FAM107A: variants seen among roughly 807,000 people sequenced by gnomAD.
The protein encoded by FAM107A is actin-associated protein FAM107A.
A neutral mutation model predicts 13.7 loss-of-function variants in FAM107A; 19 were observed. That is an observed-to-expected ratio of 1.38 (90% confidence interval 0.97 to 2.03). The LOEUF (loss-of-function observed/expected upper bound fraction) is 2.03, where lower values mean the gene tolerates loss of function less well. Among genes scored for constraint, FAM107A ranks in the 30% most tolerant of loss-of-function variants. The probability of loss-of-function intolerance (pLI) is 0.00; values close to 1 mark genes in which losing one functional copy is unlikely to be tolerated. For missense variants in FAM107A, 203 were observed against 184.4 expected (o/e 1.10, Z -0.58); for synonymous variants, 82 against 74.5 (o/e 1.10, Z -0.52).
At chr3:58,575,848 C>T (rs867075727) in intron 1 of FAM107A, among the ~76,000 whole-genome samples, 27 of 152,212 alleles carry the variant, frequency 1.8e-4, no homozygotes, top group African/African-American at 5.8e-4. Context: ...AGGCTGGTCT[C>T]TGTTTAGGAG....
At chr3:58,571,982 AGGAGATGGC>A (rs1442069511) in intron 1 of FAM107A, among the ~76,000 whole-genome samples, 1 of 152,194 alleles carries the variant, frequency 6.6e-6, no homozygotes. Context: ...ACTTTAGGAA[AGGAGATGGC>A]AGCCTTAATA....
Position 58,566,711 on chromosome 3 carries a change from G to A in FAM107A, c.328-16C>T. 6.3e-7 allele frequency: 1 copy of A among 1,591,842 alleles called. No individual in the cohort carries two copies. The highest frequency in any genetic ancestry group is 1.1e-5 in the South Asian group (1 of 90,658). On this transcript the variant is annotated splice_polypyrimidine_tract_variant and intron_variant, in intron 3 of 3. Transcript: ENST00000360997. ...GTTTTTCCAGCTGAAGGAGGGAGAA[G>A]CAGAGAGTGAAGTGGGTGGAGCTAG... is the stretch of plus-strand genomic sequence containing the variant.
intron 1 of FAM107A, among the ~76,000 whole-genome samples, chr3:58,621,254 A>C (rs2065952322): frequency 6.6e-6 from 1 of 152,130 alleles, no homozygotes; most frequent in Non-Finnish European, 1.5e-5. Context: ...GCCTGACCAG[A>C]GCCCTCAGGA....
At chr3:58,567,111 ATCCTCT>A (rs751296166) in intron 3 of FAM107A, 91 bp downstream of exon 3, 6 of 1,429,034 alleles carry the variant, frequency 4.2e-6, no homozygotes, top group Admixed American at 1.7e-5. Context: ...CTGTCTGCTG[ATCCTCT>A]TCCCTCTTAC....
intron 1 of FAM107A, among the ~76,000 whole-genome samples, chr3:58,595,707 C>CAT (rs2065701944): frequency 6.6e-6 from 1 of 152,100 alleles, no homozygotes; most frequent in African/African-American, 2.4e-5. Context: ...CGTGCACACA[C>CAT]ACACACACAC....
intron 1 of FAM107A, among the ~76,000 whole-genome samples, chr3:58,622,179 C>G (rs914170663): frequency 2.7e-4 from 41 of 152,172 alleles, no homozygotes; most frequent in African/African-American, 9.2e-4. Flanking sequence ...GGGCTCACAC[C>G]TGTAATCCCA....
At chr3:58,592,637 A>G (rs1292601189) in intron 1 of FAM107A, among the ~76,000 whole-genome samples, 1 of 152,144 alleles carries the variant, frequency 6.6e-6, no homozygotes, top group Non-Finnish European at 1.5e-5. Flanking sequence ...GTCTCTTGGT[A>G]TTCAGTGGAA....
chr3:58,622,375 G>A (rs1436757409), intron 1 of FAM107A, among the ~76,000 whole-genome samples: 1 of 152,144 alleles, frequency 6.6e-6, no homozygotes, highest in African/African-American at 2.4e-5. Flanking sequence ...TGGGAGGTGG[G>A]GGTTGTTGTG....
upstream of FAM107A, among the ~76,000 whole-genome samples, chr3:58,580,658 C>T (rs1471339483): frequency 6.6e-6 from 1 of 151,924 alleles, no homozygotes; most frequent in Non-Finnish European, 1.5e-5. Context: ...AAGTGTTCCT[C>T]CTGCTTCAGC....
upstream of FAM107A, among the ~76,000 whole-genome samples, chr3:58,580,291 G>A (rs1018665126): frequency 4.0e-5 from 6 of 150,598 alleles, no homozygotes; most frequent in Admixed American, 6.6e-5. Flanking sequence ...ACACTAATCT[G>A]TTAGCAGAGG....
upstream of FAM107A, among the ~76,000 whole-genome samples, chr3:58,590,295 G>A (rs935305978): frequency 6.6e-6 from 1 of 152,106 alleles, no homozygotes; most frequent in Non-Finnish European, 1.5e-5. Flanking sequence ...CAGGAGGCTG[G>A]GAGTCTTCCT....
rs2108031429 is a variant in FAM107A at position 58,565,079 on chromosome 3, C to A, written c.*1509G>T. 6.6e-6 allele frequency: 1 copy of A among 152,342 alleles called. No homozygotes were observed. Among genetic ancestry groups the A allele is most frequent in the South Asian group, 2.1e-4 (1 of 4,832 alleles). 9.4% of individuals were successfully genotyped at this position (152,342 alleles called of 1,614,324 possible). A position where few individuals can be genotyped will look rare whatever the true frequency, so the allele number is the denominator to read the frequency against. ...AAAGTGAAAGGAGATGCTATTCCAG[C>A]ACTGCTCTGTCACCTTAGATGATGG... On this transcript the variant is annotated 3_prime_UTR_variant, in exon 4 of 4. Coordinates refer to ENST00000360997, the MANE Select transcript of FAM107A (RefSeq NM_001076778.3).
chr3:58,585,663 G>A (rs1168818935), intron 1 of FAM107A, among the ~76,000 whole-genome samples: 1 of 152,212 alleles, frequency 6.6e-6, no homozygotes, highest in Non-Finnish European at 1.5e-5. Context: ...TAGCTGGCCC[G>A]TGAGCCCAAG....
rs57244654 is a variant in FAM107A, at chr3:58,599,696, A to ATTTTTTTTTTTTTTTTTTTTT, written c.-69-10448_-69-10428dup. ...GTGGTATACTTAAAACAAGTGCACC[A>ATTTTTTTTTTTTTTTTTTTTT]TTTTTTTTTTTTTTTTTTTTTTTTT... On this transcript the variant is annotated intron_variant, in intron 1 of 3. Transcript: ENST00000465970. 5.1e-5 allele frequency among the ~76,000 whole-genome samples: 4 copies of ATTTTTTTTTTTTTTTTTTTTT among 78,592 alleles called. 1 individual carries two copies. The highest frequency in any genetic ancestry group is 1.1e-4 in the Non-Finnish European group (4 of 37,402). 51.6% of individuals were successfully genotyped at this position (78,592 alleles called of 152,430 possible). A position where few individuals can be genotyped will look rare whatever the true frequency, so the allele number is the denominator to read the frequency against.
At chr3:58,596,549 G>C (rs2065709281) in intron 1 of FAM107A, among the ~76,000 whole-genome samples, 1 of 151,976 alleles carries the variant, frequency 6.6e-6, no homozygotes, top group South Asian at 2.1e-4. Flanking sequence ...CCTGGTGATG[G>C]GTGCCTGTAA....
rs542456568 is a variant in FAM107A at position 58,607,541 on chromosome 3, A to T, written c.-69-18272T>A. On this transcript the variant is annotated intron_variant, in intron 1 of 3. Transcript: ENST00000465970. ...GCAAAGGTGAGGGTGTGTCACTCCC[A>T]TGATCATGCTAGATGGATTTGTATA... The T allele has an allele frequency of 9.8e-5, 15 of 152,360 alleles. 1 individual carries two copies. The highest frequency in any genetic ancestry group is 3.6e-4 in the African/African-American group (15 of 41,592). The allele number at this position is 152,360 out of a possible 1,614,324, so 9.4% of individuals were successfully genotyped here. A position where few individuals can be genotyped will look rare whatever the true frequency, so the allele number is the denominator to read the frequency against.
intron 1 of FAM107A, among the ~76,000 whole-genome samples, chr3:58,619,853 A>ATGTGTG (rs1409308682): frequency 1.3e-5 from 2 of 152,088 alleles, no homozygotes; most frequent in African/African-American, 4.8e-5. Flanking sequence ...GTGTGTGTAA[A>ATGTGTG]TGTGTGTATG....
upstream of FAM107A, among the ~76,000 whole-genome samples, chr3:58,591,004 C>A (rs557665264): frequency 7.9e-5 from 12 of 152,348 alleles, no homozygotes; most frequent in African/African-American, 2.6e-4. This position sits in a 1 kb window ranked among gnomAD's most constrained non-coding sequence, Gnocchi z 4.3. Flanking sequence ...TGCAGCCTGG[C>A]TTCTCCCTGT....
chr3:58,607,245 G>T (rs184648421), intron 1 of FAM107A: 1 of 152,236 alleles, frequency 6.6e-6, no homozygotes, highest in African/African-American at 2.4e-5. Flanking sequence ...GTTCCATGAG[G>T]CTCCATTTCC....
Sources: allele counts gnomAD v4.1 joint callset (sites outside exome capture counted in the v4.1 genomes callset), GRCh38; gene constraint gnomAD v4.1.1; non-coding constraint Gnocchi (gnomAD v3.1); transcripts MANE v1.5; gene names NCBI Gene and HGNC (gene_info 2026-07-23, HGNC 2026-07-21).